ADGRL3: variants seen among roughly 807,000 people sequenced by gnomAD.
ADGRL3 encodes adhesion G protein-coupled receptor L3, also known as calcium-independent alpha-latrotoxin receptor 3.
ADGRL3 carries 62 observed loss-of-function variants against 153.5 expected under a neutral mutation model. That is an observed-to-expected ratio of 0.40 (90% CI 0.33 to 0.50). The LOEUF is 0.50. Among genes scored for constraint, ADGRL3 ranks in the 20% least tolerant of loss-of-function variants. The pLI is 0.47. For missense variants in ADGRL3, 1,641 were observed against 1,859.4 expected, an observed-to-expected ratio of 0.88 and a Z score of 2.16; for synonymous variants, 710 against 672.5, an observed-to-expected ratio of 1.06 and a Z score of -0.86.
intron 19 of ADGRL3, among the ~76,000 whole-genome samples, chr4:61,984,933 T>G (rs1374965529): frequency 2.0e-5 from 3 of 152,154 alleles, no homozygotes; most frequent in Non-Finnish European, 4.4e-5. Context: ...AGCAAAATTT[T>G]AAAGATGAAG....
At chr4:61,725,097 A>C (rs904628834) in intron 6 of ADGRL3, among the ~76,000 whole-genome samples, 2 of 152,182 alleles carry the variant, frequency 1.3e-5, no homozygotes, top group Non-Finnish European at 2.9e-5. Flanking sequence ...AAGCATGGCA[A>C]ATATTAATTA....
intron 1 of ADGRL3, among the ~76,000 whole-genome samples, chr4:61,233,051 A>G (rs948305705): frequency 6.6e-6 from 1 of 152,182 alleles, no homozygotes; most frequent in Non-Finnish European, 1.5e-5. Flanking sequence ...GATTTATCAA[A>G]CAGATTTACT....
chr4:61,317,675 G>A (rs536049872), intron 1 of ADGRL3, among the ~76,000 whole-genome samples: 7 of 152,180 alleles, frequency 4.6e-5, no homozygotes, highest in African/African-American at 1.7e-4. Flanking sequence ...CTTGTTCCTC[G>A]TTACACTTTT....
intron 9 of ADGRL3, among the ~76,000 whole-genome samples, chr4:61,822,406 C>CT (rs1298467701): frequency 1.3e-5 from 2 of 152,206 alleles, no homozygotes; most frequent in African/African-American, 2.4e-5. Flanking sequence ...GATCCTATTA[C>CT]TTTTTTATTC....
intron 5 of ADGRL3, among the ~76,000 whole-genome samples, chr4:61,595,279 T>C (rs993646841): frequency 6.6e-6 from 1 of 152,138 alleles, no homozygotes; most frequent in African/African-American, 2.4e-5. Flanking sequence ...GATGGGTCTT[T>C]TCTGAAGCCA....
chr4:61,244,259 C>G (rs566534975), intron 1 of ADGRL3, among the ~76,000 whole-genome samples: 1 of 152,030 alleles, frequency 6.6e-6, no homozygotes, highest in Non-Finnish European at 1.5e-5. Context: ...ACTTGTATTT[C>G]AAGTCATCTA....
intron 1 of ADGRL3, among the ~76,000 whole-genome samples, chr4:61,346,528 C>T (rs971331598): frequency 2.0e-5 from 3 of 150,974 alleles, no homozygotes; most frequent in Admixed American, 6.6e-5. Context: ...CTTTGGGAGG[C>T]ATAGGTGGGA....
At chr4:61,735,157 T>C (rs2151845456) in intron 8 of ADGRL3, among the ~76,000 whole-genome samples, 1 of 152,344 alleles carries the variant, frequency 6.6e-6, no homozygotes, top group African/African-American at 2.4e-5. Context: ...TCTCTGACTC[T>C]AGTGTAATAC....
intron 2 of ADGRL3, among the ~76,000 whole-genome samples, chr4:61,429,771 G>C (rs898947919): frequency 5.9e-5 from 9 of 152,172 alleles, no homozygotes; most frequent in African/African-American, 2.2e-4. Flanking sequence ...AAATATGGAT[G>C]GGAAATAGTC....
intron 1 of ADGRL3, among the ~76,000 whole-genome samples, chr4:61,324,866 G>A (rs2095433870): frequency 6.6e-6 from 1 of 152,080 alleles, no homozygotes; most frequent in Non-Finnish European, 1.5e-5. Context: ...CATTGGCATG[G>A]AAAGAAACTA....
At chr4:61,747,451 A>C (rs1295851156) in intron 8 of ADGRL3, among the ~76,000 whole-genome samples, 1 of 151,322 alleles carries the variant, frequency 6.6e-6, no homozygotes, top group East Asian at 1.9e-4. Context: ...TGATGCAAAA[A>C]TCCTCAATAA....
At chr4:61,653,119 G>A (rs1018524443) in intron 5 of ADGRL3, among the ~76,000 whole-genome samples, 1 of 151,372 alleles carries the variant, frequency 6.6e-6, no homozygotes, top group Non-Finnish European at 1.5e-5. Flanking sequence ...TATAAGAAGA[G>A]AAAGAGAAAG....
At chr4:61,465,047 G>A (rs1015246194) in intron 2 of ADGRL3, among the ~76,000 whole-genome samples, 1 of 152,114 alleles carries the variant, frequency 6.6e-6, no homozygotes, top group Non-Finnish European at 1.5e-5. Flanking sequence ...GCTCAACCAC[G>A]GGATCCTGAT....
chr4:61,637,037 A>T (rs755875012), intron 5 of ADGRL3, among the ~76,000 whole-genome samples: 75 of 152,286 alleles, frequency 4.9e-4, no homozygotes, highest in Non-Finnish European at 9.3e-4. Flanking sequence ...TATATATTAA[A>T]GGTACATATA....
chr4:61,666,088 T>C (rs1044423990), intron 5 of ADGRL3, among the ~76,000 whole-genome samples: 19 of 152,232 alleles, frequency 1.2e-4, no homozygotes, highest in Admixed American at 5.9e-4. Flanking sequence ...CATTTCCCTC[T>C]GTTGTGTATT....
intron 8 of ADGRL3, among the ~76,000 whole-genome samples, chr4:61,795,362 G>A (rs530202532): frequency 2.6e-5 from 4 of 152,166 alleles, no homozygotes; most frequent in South Asian, 4.1e-4. Flanking sequence ...TCCTAGCCTC[G>A]AGTGATCCTC....
chr4:61,228,601 G>T lies in ADGRL3; in HGVS notation c.-240+26836G>T, dbSNP rs187916023. Among the ~76,000 whole-genome samples, 700 of 152,266 alleles carry T rather than the reference G, an allele frequency of 4.6e-3. 23 individuals are homozygous for T. Among genetic ancestry groups the T allele is most frequent in the Admixed American group, 0.042 (637 of 15,284 alleles). On this transcript the variant is annotated intron_variant, in intron 1 of 26. Transcript: ENST00000683033. ...TTAAGAAGAGCAAACCATGACAGAT[G>T]AAAATTTGGATTATTTGTAAAAGAG...
intron 8 of ADGRL3, among the ~76,000 whole-genome samples, chr4:61,808,956 C>A (rs80118470): frequency 0.11 from 16,055 of 151,734 alleles, 917 homozygotes; most frequent in Middle Eastern, 0.15. Context: ...ACATCCAAAA[C>A]GTTATAAAAG....
At chr4:61,215,143 TAC>T (rs1328351098) in intron 1 of ADGRL3, among the ~76,000 whole-genome samples, 1 of 152,180 alleles carries the variant, frequency 6.6e-6, no homozygotes, top group African/African-American at 2.4e-5. Flanking sequence ...CTTCCAATTG[TAC>T]AGACATATTT....
Sources: allele counts gnomAD v4.1 joint callset (sites outside exome capture counted in the v4.1 genomes callset), GRCh38; gene constraint gnomAD v4.1.1; transcripts MANE v1.5; gene names NCBI Gene and HGNC (gene_info 2026-07-23, HGNC 2026-07-21).